OR51B5: variants seen among roughly 807,000 people sequenced by gnomAD.
OR51B5 encodes the protein olfactory receptor 51B5.
For synonymous variants in OR51B5, 186 were observed against 144.8 expected (o/e 1.28, Z -2.04); for missense variants, 456 against 374.6 (o/e 1.22, Z -1.79).
chr11:5,428,670 T>C (rs1214140509), intron 1 of OR51B5, among the ~76,000 whole-genome samples: 1 of 152,236 alleles, frequency 6.6e-6, no homozygotes, highest in African/African-American at 2.4e-5. Context: ...TCTAACATGA[T>C]TGACACCATC....
chr11:5,344,847 A>G (rs886333261), upstream of OR51B5, among the ~76,000 whole-genome samples: 1 of 152,228 alleles, frequency 6.6e-6, no homozygotes, highest in Non-Finnish European at 1.5e-5. Context: ...AGTTTAACAT[A>G]AAACAGTACT....
At chr11:5,376,527 G>T (rs1427272314) in intron 1 of OR51B5, among the ~76,000 whole-genome samples, 12 of 152,092 alleles carry the variant, frequency 7.9e-5, no homozygotes, top group Non-Finnish European at 1.3e-4. Flanking sequence ...TCTGGGAGCT[G>T]GTTTTTTGAA....
At chr11:5,356,054 TAA>T (rs1364159374) in intron 1 of OR51B5, among the ~76,000 whole-genome samples, 1 of 151,920 alleles carries the variant, frequency 6.6e-6, no homozygotes, top group Admixed American at 6.6e-5. Context: ...CTGGAAACTC[TAA>T]AAATCAGAGT....
intron 1 of OR51B5, among the ~76,000 whole-genome samples, chr11:5,445,317 C>G (rs975910826): frequency 2.0e-5 from 3 of 152,226 alleles, no homozygotes; most frequent in South Asian, 2.1e-4. Context: ...AAATATCCAA[C>G]AAATTCAGAT....
chr11:5,468,687 A>T (rs747943513), intron 1 of OR51B5: 1 of 456,476 alleles, frequency 2.2e-6, no homozygotes, highest in Non-Finnish European at 4.4e-6. Context: ...TAGATATGTG[A>T]CACACATGTG....
At chr11:5,364,023 C>T (rs960351444) in intron 1 of OR51B5, among the ~76,000 whole-genome samples, 17 of 152,158 alleles carry the variant, frequency 1.1e-4, no homozygotes, top group African/African-American at 3.9e-4. Flanking sequence ...GTGATAGATT[C>T]ACCCACATAT....
At chr11:5,497,409 C>T (rs939788739) in intron 1 of OR51B5, among the ~76,000 whole-genome samples, 2 of 152,124 alleles carry the variant, frequency 1.3e-5, no homozygotes, top group Non-Finnish European at 2.9e-5. Context: ...AAGACTCCGT[C>T]TCAAAATAAA....
upstream of OR51B5, chr11:5,346,901 TTC>T (rs1444117949): frequency 1.3e-5 from 2 of 152,154 alleles, no homozygotes; most frequent in Non-Finnish European, 2.9e-5. Context: ...ATGTTGTTCC[TTC>T]TCAACATCTG....
At chr11:5,382,008 A>C (rs1589965442) in intron 1 of OR51B5, among the ~76,000 whole-genome samples, 1 of 152,230 alleles carries the variant, frequency 6.6e-6, no homozygotes, top group Non-Finnish European at 1.5e-5. Context: ...ATCTGTTTCC[A>C]GTGCAGACTT....
intron 1 of OR51B5, among the ~76,000 whole-genome samples, chr11:5,378,187 C>T (rs1185576629): frequency 4.0e-5 from 6 of 151,776 alleles, no homozygotes; most frequent in Non-Finnish European, 8.8e-5. Context: ...CTTTGAAAAA[C>T]CTGAGAAAAA....
intron 1 of OR51B5, chr11:5,390,438 A>T: frequency 7.1e-7 from 1 of 1,414,954 alleles, no homozygotes; most frequent in South Asian, 1.4e-5. Context: ...TGGACTGAAA[A>T]TTTGGAGTAT....
intron 1 of OR51B5, among the ~76,000 whole-genome samples, chr11:5,429,659 T>A (rs1052765936): frequency 6.6e-6 from 1 of 151,768 alleles, no homozygotes; most frequent in Non-Finnish European, 1.5e-5. Context: ...ACTAGACCCA[T>A]GATTATGGGG....
chr11:5,422,355 G>A lies in OR51B5; in HGVS notation n.85-75445C>T, dbSNP rs145294897. On this transcript the variant is annotated intron_variant and non_coding_transcript_variant, in intron 1 of 4. Coordinates refer to the OR51B5 transcript ENST00000415970. ...AATACCACCATCCTCACTGTCATTC[G>A]CACAGAGCCATCTGTCCACCAGCGC... 23 of 1,613,902 alleles carry A rather than the reference G, an allele frequency of 1.4e-5. 1 individual carries two copies. Among genetic ancestry groups the A allele is most frequent in the East Asian group, 4.5e-5 (2 of 44,890 alleles).
At chr11:5,426,558 A>G (rs897275723) in intron 1 of OR51B5, among the ~76,000 whole-genome samples, 6 of 152,152 alleles carry the variant, frequency 3.9e-5, no homozygotes, top group Admixed American at 2.0e-4. Context: ...AAAGAAGTAT[A>G]GTATGTACTC....
intron 1 of OR51B5, among the ~76,000 whole-genome samples, chr11:5,419,523 A>G (rs184310004): frequency 5.5e-4 from 84 of 152,308 alleles, no homozygotes; most frequent in Middle Eastern, 3.4e-3. Context: ...TAGAATATCA[A>G]TTATTTACAC....
chr11:5,391,386 T>C (rs904180207), intron 1 of OR51B5: 4 of 152,246 alleles, frequency 2.6e-5, no homozygotes, highest in Non-Finnish European at 5.9e-5. Flanking sequence ...CACACAGTAA[T>C]GTCCTGTTTA....
At chr11:5,375,530 C>A (rs962476858) in intron 1 of OR51B5, among the ~76,000 whole-genome samples, 1 of 152,118 alleles carries the variant, frequency 6.6e-6, no homozygotes, top group Admixed American at 6.5e-5. Context: ...AAGACACAGA[C>A]TGGCAAATTG....
rs141432146 is a variant in OR51B5 at position 5,500,433 on chromosome 11, C to G, written n.84+5136G>C. The stretch of plus-strand genomic sequence containing the variant: ...ACCAATTATATTGCTAGTGTGAAAA[C>G]TGTCGGTACCAAAATGGAGTCATTC... On this transcript the variant is annotated intron_variant and non_coding_transcript_variant, in intron 1 of 4. Transcript: ENST00000415970. Among the ~76,000 whole-genome samples, 253 of 121,336 alleles carry G rather than the reference C, an allele frequency of 2.1e-3. 26 individuals are homozygous for G. The highest frequency in any genetic ancestry group is 4.4e-3 in the Admixed American group (46 of 10,454). 79.6% of individuals were successfully genotyped at this position (121,336 alleles called of 152,430 possible). A position where few individuals can be genotyped will look rare whatever the true frequency, so the allele number is the denominator to read the frequency against.
intron 1 of OR51B5, among the ~76,000 whole-genome samples, chr11:5,494,344 T>A (rs1048926728): frequency 6.6e-6 from 1 of 152,186 alleles, no homozygotes; most frequent in African/African-American, 2.4e-5. Context: ...GACTTTATTG[T>A]CAGTACCTGA....
Sources: gnomAD v4.1 joint callset for allele counts (sites outside exome capture counted in the v4.1 genomes callset) on GRCh38, gnomAD v4.1.1 for gene constraint, MANE v1.5 for transcripts, NCBI Gene and HGNC (gene_info 2026-07-23, HGNC 2026-07-21) for gene names.